LARGE1: variants seen among roughly 807,000 people sequenced by gnomAD.
The protein encoded by LARGE1 is xylosyl- and glucuronyltransferase LARGE1.
In LARGE1, 43 loss-of-function variants were observed where a neutral mutation model predicts 87.6. That is an observed-to-expected ratio of 0.49 (90% CI 0.38 to 0.63). The LOEUF is 0.63. LARGE1 is among the 30% of genes least tolerant of loss of function. LARGE1 has a pLI of 0.00. For missense variants in LARGE1, 802 were observed against 1,000.2 expected (o/e 0.80, Z 2.67); for synonymous variants, 434 against 394.6 (o/e 1.10, Z -1.18).
intron 6 of LARGE1, among the ~76,000 whole-genome samples, chr22:33,444,924 G>A (rs943257449): frequency 6.6e-6 from 1 of 152,088 alleles, no homozygotes; most frequent in African/African-American, 2.4e-5. Flanking sequence ...CCGCCTCCCA[G>A]GTTCAAGCGA....
chr22:33,878,286 C>T (rs9609884), intron 1 of LARGE1, among the ~76,000 whole-genome samples: 2 of 150,990 alleles, frequency 1.3e-5, no homozygotes, highest in African/African-American at 4.9e-5. Context: ...TATAGGCACC[C>T]GCCATCACGC....
chr22:33,573,391 A>G (rs2078263292), intron 5 of LARGE1, among the ~76,000 whole-genome samples: 1 of 152,154 alleles, frequency 6.6e-6, no homozygotes, highest in South Asian at 2.1e-4. Flanking sequence ...GTGAGCCGAG[A>G]TCGAGCCACT....
chr22:33,798,398 A>G (rs2086055226), intron 1 of LARGE1, among the ~76,000 whole-genome samples: 1 of 152,246 alleles, frequency 6.6e-6, no homozygotes, highest in Non-Finnish European at 1.5e-5. Context: ...CATACTCTGC[A>G]TTTCCCTCTA....
chr22:33,357,488 A>G (rs908835291), intron 9 of LARGE1, among the ~76,000 whole-genome samples: 2 of 152,176 alleles, frequency 1.3e-5, no homozygotes, highest in Non-Finnish European at 2.9e-5. Flanking sequence ...CTGCACTTGT[A>G]CCACTTAAAT....
chr22:33,562,079 C>T (rs2077880237), intron 6 of LARGE1, among the ~76,000 whole-genome samples: 1 of 152,194 alleles, frequency 6.6e-6, no homozygotes, highest in African/African-American at 2.4e-5. Flanking sequence ...CGACAATTGC[C>T]TTTATGAAGG....
At chr22:33,100,435 C>G in the LARGE1 span, among the ~76,000 whole-genome samples, 1 of 151,504 alleles carries the variant, frequency 6.6e-6, no homozygotes, top group African/African-American at 2.4e-5. Flanking sequence ...ATCACTTCCT[C>G]AGTTGTACTG....
Position 33,436,679 on chromosome 22 carries a change from G to C in LARGE1, c.788-4414C>G, listed in dbSNP as rs527865929. On this transcript the variant is annotated intron_variant, in intron 6 of 14. Coordinates refer to ENST00000397394, the MANE Select transcript of LARGE1 (RefSeq NM_133642.5). The stretch of plus-strand genomic sequence containing the variant: ...ACATCCATGGGGAAGAGAAAGGTGA[G>C]TTTCAGAGGCAACCAAGTTGATGTG... The C allele has an allele frequency of 2.7e-3, 414 of 152,766 alleles. 3 individuals are homozygous for C. Among genetic ancestry groups the C allele is most frequent in the Non-Finnish European group, 4.9e-3 (334 of 68,216 alleles). The allele number at this position is 152,766 out of a possible 1,614,324, so 9.5% of individuals were successfully genotyped here.
At chr22:33,148,789 A>C in the LARGE1 span, among the ~76,000 whole-genome samples, 2 of 152,048 alleles carry the variant, frequency 1.3e-5, no homozygotes, top group Non-Finnish European at 2.9e-5. Flanking sequence ...GTAATATCTC[A>C]TTGTGGCTTT....
In LARGE1 at chr22:33,363,276, C is replaced by A. The variant is rs1421048561; in HGVS notation, c.1131+18643G>T. Among the ~76,000 whole-genome samples the A allele has an allele frequency of 2.7e-5, 4 of 149,728 alleles. 2 individuals are homozygous for A. The South Asian group carries it at 8.8e-4, about 33-fold the overall frequency. Reference sequence around the variant, plus strand: ...TTCACGCTGCTGATAAAGACATACCCAAGACTGGGTAATTTATAAAGAAAA... The same window carrying A: ...TTCACGCTGCTGATAAAGACATACCAAAGACTGGGTAATTTATAAAGAAAA... On this transcript the variant is annotated intron_variant, in intron 9 of 14. Transcript: ENST00000397394.
intron 11 of LARGE1, among the ~76,000 whole-genome samples, chr22:33,253,195 C>T (rs1451397829): frequency 6.6e-6 from 1 of 152,176 alleles, no homozygotes; most frequent in African/African-American, 2.4e-5. Flanking sequence ...GATAATGCTG[C>T]CTATCTTATA....
intron 2 of LARGE1, among the ~76,000 whole-genome samples, chr22:33,683,667 G>T (rs1032452861): frequency 2.6e-4 from 39 of 152,002 alleles, no homozygotes; most frequent in African/African-American, 9.4e-4. Flanking sequence ...ACGATAGACA[G>T]AAGATAGATG....
At chr22:33,130,899 G>A in the LARGE1 span, among the ~76,000 whole-genome samples, 1 of 151,958 alleles carries the variant, frequency 6.6e-6, no homozygotes, top group Admixed American at 6.6e-5. Context: ...CGGGCGTGGT[G>A]GCAGTCGCCT....
chr22:33,578,178 G>A (rs772348741), intron 5 of LARGE1, among the ~76,000 whole-genome samples: 1 of 152,180 alleles, frequency 6.6e-6, no homozygotes, highest in Non-Finnish European at 1.5e-5. Flanking sequence ...TTGTGAGGAT[G>A]GCTGTCTAAC....
At chr22:33,795,064 G>A (rs1601632858) in intron 1 of LARGE1, among the ~76,000 whole-genome samples, 1 of 152,350 alleles carries the variant, frequency 6.6e-6, no homozygotes, top group African/African-American at 2.4e-5. Context: ...TGAATGGTAA[G>A]AGTTGTTGCT....
At chr22:33,436,620 A>G (rs1433774834) in intron 6 of LARGE1, 1 of 153,654 alleles carries the variant, frequency 6.5e-6, no homozygotes, top group Admixed American at 6.5e-5. Flanking sequence ...CTGACTGGTG[A>G]CAGTTATCTG....
chr22:33,625,594 C>CT (rs2079896025), intron 4 of LARGE1, among the ~76,000 whole-genome samples: 1 of 152,220 alleles, frequency 6.6e-6, no homozygotes, highest in African/African-American at 2.4e-5. Context: ...ACACCACCGA[C>CT]TAGGTGGATA....
At chr22:33,763,154 C>T (rs1418461356) in intron 1 of LARGE1, among the ~76,000 whole-genome samples, 3 of 152,206 alleles carry the variant, frequency 2.0e-5, no homozygotes, top group Non-Finnish European at 4.4e-5. Context: ...AGCATATTGC[C>T]TGTCAGCTGC....
At chr22:33,158,062 AAC>A (rs1204611367), downstream of LARGE1, among the ~76,000 whole-genome samples, 2 of 152,228 alleles carry the variant, frequency 1.3e-5, no homozygotes, top group South Asian at 2.1e-4. Flanking sequence ...TAAGAAAAAT[AAC>A]AGTGTATTGT....
intron 2 of LARGE1, among the ~76,000 whole-genome samples, chr22:33,713,000 A>G (rs1320416855): frequency 1.3e-5 from 2 of 152,138 alleles, no homozygotes; most frequent in African/African-American, 4.8e-5. Context: ...GTTTGTTCTG[A>G]AAAATTGCCC....
Sources: gnomAD v4.1 joint callset for allele counts (sites outside exome capture counted in the v4.1 genomes callset) on GRCh38, gnomAD v4.1.1 for gene constraint, MANE v1.5 for transcripts, NCBI Gene and HGNC (gene_info 2026-07-23, HGNC 2026-07-21) for gene names.